The following CDKN2B-AS1 variants were observed in gnomAD, a reference collection of about 807,000 sequenced individuals.
The protein encoded by CDKN2B-AS1 is CDKN2B antisense RNA 1 (non-protein coding).
At chr9:22,009,545 T>A (rs2131193412) in intron 1 of CDKN2B-AS1, among the ~76,000 whole-genome samples, 1 of 152,370 alleles carries the variant, frequency 6.6e-6, no homozygotes, top group African/African-American at 2.4e-5. Context: ...AAGCCAAGGC[T>A]AATATTTTGG....
intron 4 of CDKN2B-AS1, among the ~76,000 whole-genome samples, chr9:22,125,549 T>C (rs557736042): frequency 9.4e-4 from 143 of 152,346 alleles, no homozygotes; most frequent in Non-Finnish European, 1.6e-3. Context: ...TGGTAAATAC[T>C]GTGTTGACAA....
At position 22,123,474 on chromosome 9, in the gene CDKN2B-AS1, CA is replaced by C. The variant is rs571637087; in HGVS notation, n.439-3628del. Among the ~76,000 whole-genome samples the C allele has an allele frequency of 3.3e-5, 5 of 152,092 alleles. No individual in the cohort carries two copies. In the South Asian group the frequency reaches 8.3e-4, roughly 25 times the overall value. On this transcript the variant is annotated intron_variant and non_coding_transcript_variant, in intron 4 of 4. Coordinates refer to ENST00000650946, the Ensembl canonical transcript of CDKN2B-AS1. The stretch of plus-strand genomic sequence containing the variant: ...GTGTAGCTGAGGAGAGAAATGAAAA[CA>C]GAATAAAAACTTCAGTAGAAGTTGG...
intron 1 of CDKN2B-AS1, chr9:22,003,283 AAACT>A (rs1325952321): frequency 1.7e-4 from 36 of 205,992 alleles, no homozygotes; most frequent in Non-Finnish European, 3.3e-4. Context: ...TAAATAAAAA[AAACT>A]AACAAAACAA....
chr9:22,112,719 C>T (rs1471390283), intron 4 of CDKN2B-AS1, among the ~76,000 whole-genome samples: 2 of 152,050 alleles, frequency 1.3e-5, no homozygotes, highest in Admixed American at 1.3e-4. Context: ...ACTATTATAG[C>T]AAAATTTAAT....
intron 4 of CDKN2B-AS1, among the ~76,000 whole-genome samples, chr9:22,103,180 G>GTGTGT (rs1299495049): frequency 2.3e-5 from 2 of 88,620 alleles, no homozygotes; most frequent in Admixed American, 2.6e-4. Context: ...TGTGTGTGTG[G>GTGTGT]TGCGTGAAGA....
At chr9:22,012,444 A>G (rs1016938148) in intron 1 of CDKN2B-AS1, 1 of 718,794 alleles carries the variant, frequency 1.4e-6, no homozygotes, top group South Asian at 1.4e-5. Context: ...ATGATCTGCC[A>G]TAAGCGCTAT....
At chr9:22,094,384 G>T (rs1489859231) in intron 4 of CDKN2B-AS1, among the ~76,000 whole-genome samples, 4 of 144,388 alleles carry the variant, frequency 2.8e-5, no homozygotes, top group Non-Finnish European at 5.9e-5. Context: ...GATTGGGGAA[G>T]TTCTCCTGGA....
At position 22,005,899 on chromosome 9, in the gene CDKN2B-AS1, C is replaced by T. The variant is rs1014622569; in HGVS notation, n.29+10738C>T. ...GGCTTACAGGCTTTCCGCCGCTCCC[C>T]GTTGGCAGCCTTCATCGAATTAGGT... On this transcript the variant is annotated intron_variant and non_coding_transcript_variant, in intron 1 of 4. Coordinates refer to ENST00000650946, the Ensembl canonical transcript of CDKN2B-AS1. The surrounding 1 kb of genome is among the most constrained non-coding windows in gnomAD (Gnocchi z 4.9). The T allele has an allele frequency of 6.5e-7, 1 of 1,527,856 alleles. No homozygotes were observed. Among genetic ancestry groups the T allele is most frequent in the African/African-American group, 1.4e-5 (1 of 73,330 alleles). 94.6% of individuals were successfully genotyped at this position (1,527,856 alleles called of 1,614,324 possible). A position where few individuals can be genotyped will look rare whatever the true frequency, so the allele number is the denominator to read the frequency against.
chr9:22,110,454 A>T lies in CDKN2B-AS1; in HGVS notation n.439-16649A>T, dbSNP rs553593324. Among the ~76,000 whole-genome samples, 18 of 152,314 alleles carry T rather than the reference A, an allele frequency of 1.2e-4. 1 individual carries two copies. The highest frequency in any genetic ancestry group is 4.1e-4 in the African/African-American group (17 of 41,578). ...AATACAACAGTGTACACAGATGAAG[A>T]TACAGTACTTTTTGGTATTTTCTTT... On this transcript the variant is annotated intron_variant and non_coding_transcript_variant, in intron 4 of 4. Transcript: ENST00000650946.
intron 4 of CDKN2B-AS1, among the ~76,000 whole-genome samples, chr9:22,080,715 G>A (rs1824662645): frequency 6.6e-6 from 1 of 152,228 alleles, no homozygotes; most frequent in South Asian, 2.1e-4. Context: ...TTTTTGTAAG[G>A]TAGTGGAGAA....
chr9:22,038,892 A>T (rs540602065), intron 1 of CDKN2B-AS1, among the ~76,000 whole-genome samples: 23 of 152,096 alleles, frequency 1.5e-4, no homozygotes, highest in Non-Finnish European at 2.9e-4. Context: ...TAGTGTATGC[A>T]TAGTAAGTAT....
intron 3 of CDKN2B-AS1, among the ~76,000 whole-genome samples, chr9:22,051,553 A>C (rs1344956922): frequency 6.6e-6 from 1 of 152,190 alleles, no homozygotes; most frequent in Non-Finnish European, 1.5e-5. Flanking sequence ...AAAGGCAGTT[A>C]TATACAATGT....
intron 1 of CDKN2B-AS1, among the ~76,000 whole-genome samples, chr9:22,034,752 T>G (rs904236723): frequency 3.3e-5 from 5 of 152,188 alleles, no homozygotes; most frequent in African/African-American, 1.2e-4. Context: ...CTGTCACAAC[T>G]ACTCATCTCT....
chr9:22,074,658 G>C (rs982037846), intron 4 of CDKN2B-AS1, among the ~76,000 whole-genome samples: 1 of 152,122 alleles, frequency 6.6e-6, no homozygotes, highest in Admixed American at 6.6e-5. Flanking sequence ...GCTGGGGAGC[G>C]ACTTTCTTGG....
chr9:22,075,149 A>T (rs555158256), intron 4 of CDKN2B-AS1, among the ~76,000 whole-genome samples: 2 of 152,238 alleles, frequency 1.3e-5, no homozygotes, highest in African/African-American at 2.4e-5. Context: ...GCATGACAAA[A>T]TACATGAAGG....
chr9:22,042,009 G>T (rs1265256670), intron 1 of CDKN2B-AS1, among the ~76,000 whole-genome samples: 1 of 152,018 alleles, frequency 6.6e-6, no homozygotes, highest in Non-Finnish European at 1.5e-5. Flanking sequence ...CTGGGAATAT[G>T]TTAGCCAAGT....
intron 1 of CDKN2B-AS1, among the ~76,000 whole-genome samples, chr9:22,036,587 T>G (rs1420787746): frequency 6.6e-6 from 1 of 152,114 alleles, no homozygotes; most frequent in Non-Finnish European, 1.5e-5. Flanking sequence ...ATTCTATAAT[T>G]TATTTGTATT....
chr9:22,044,049 T>A (rs1480172611), intron 1 of CDKN2B-AS1, among the ~76,000 whole-genome samples: 2 of 151,976 alleles, frequency 1.3e-5, no homozygotes, highest in Non-Finnish European at 2.9e-5. Flanking sequence ...CACAACAAAT[T>A]TTAGCCATGA....
At chr9:22,117,362 T>C (rs1825976315) in intron 4 of CDKN2B-AS1, among the ~76,000 whole-genome samples, 1 of 152,220 alleles carries the variant, frequency 6.6e-6, no homozygotes, top group African/African-American at 2.4e-5. Context: ...TAGTGTTTCT[T>C]TGATATGACA....
Sources: gnomAD v4.1 joint callset for allele counts (sites outside exome capture counted in the v4.1 genomes callset) on GRCh38, gnomAD v4.1.1 for gene constraint, Gnocchi (gnomAD v3.1) non-coding constraint, MANE v1.5 for transcripts, NCBI Gene and HGNC (gene_info 2026-07-23, HGNC 2026-07-21) for gene names.